Variants in PRIM2 observed in about 807,000 individuals in gnomAD.
PRIM2 encodes DNA primase subunit 2.
A neutral mutation model predicts 67.3 loss-of-function variants in PRIM2; 39 were observed. That is an observed-to-expected ratio of 0.58 (90% CI 0.45 to 0.76). The LOEUF is 0.76. Among genes scored for constraint, PRIM2 ranks in the 30% least tolerant of loss-of-function variants. The pLI, the probability that PRIM2 is intolerant of heterozygous loss-of-function variation, is 0.00. For missense variants in PRIM2, 398 were observed against 598.7 expected (o/e 0.66, Z 3.50); for synonymous variants, 143 against 198.7 (o/e 0.72, Z 2.36).
At chr6:57,248,530 A>T in the PRIM2 span, among the ~76,000 whole-genome samples, 4 of 152,226 alleles carry the variant, frequency 2.6e-5, no homozygotes, top group Non-Finnish European at 4.4e-5. Context: ...GGATTGAGCA[A>T]CTGGCTTAAG....
intron 12 of PRIM2, among the ~76,000 whole-genome samples, chr6:57,615,474 ATC>A (rs1217525802): frequency 8.5e-5 from 13 of 152,074 alleles, no homozygotes; most frequent in Non-Finnish European, 1.8e-4. Context: ...TGACAGTAAA[ATC>A]TCTCATTGGC....
At chr6:57,332,918 A>G (rs758740853) in intron 5 of PRIM2, among the ~76,000 whole-genome samples, 10 of 151,744 alleles carry the variant, frequency 6.6e-5, no homozygotes, top group Non-Finnish European at 1.2e-4. Flanking sequence ...TGTGTTTCCT[A>G]TGTCTTAAGG....
At chr6:57,226,947 T>G in the PRIM2 span, among the ~76,000 whole-genome samples, 1 of 152,236 alleles carries the variant, frequency 6.6e-6, no homozygotes, top group Non-Finnish European at 1.5e-5. Context: ...GGGAATAATC[T>G]GTTCATTCTA....
intron 5 of PRIM2, among the ~76,000 whole-genome samples, chr6:57,373,351 T>C (rs1205309221): frequency 6.6e-6 from 1 of 152,144 alleles, no homozygotes; most frequent in African/African-American, 2.4e-5. Context: ...TACTGGATAT[T>C]AGACCTTTGT....
chr6:57,221,835 C>G, the PRIM2 span: 2 of 152,506 alleles, frequency 1.3e-5, no homozygotes, highest in Non-Finnish European at 2.9e-5. Flanking sequence ...CGGTCCGAAC[C>G]GGGGGATGGG....
the PRIM2 span, among the ~76,000 whole-genome samples, chr6:57,235,308 C>A: frequency 2.6e-5 from 4 of 151,948 alleles, no homozygotes; most frequent in Non-Finnish European, 5.9e-5. Context: ...ACTAAAAATG[C>A]AAAAAATTAG....
chr6:57,460,616 TA>T (rs10667805), intron 7 of PRIM2, among the ~76,000 whole-genome samples: 6,531 of 129,436 alleles, frequency 0.05, 329 homozygotes, highest in African/African-American at 0.15. Context: ...CATCCTGATT[TA>T]AAAAAAAAAA....
At chr6:57,620,351 T>C (rs1450666728) in intron 12 of PRIM2, among the ~76,000 whole-genome samples, 2 of 152,088 alleles carry the variant, frequency 1.3e-5, no homozygotes, top group African/African-American at 4.8e-5. Flanking sequence ...CCTAACAGAT[T>C]AACAACAGAT....
chr6:57,269,591 T>A, the PRIM2 span, among the ~76,000 whole-genome samples: 2 of 152,144 alleles, frequency 1.3e-5, no homozygotes, highest in Non-Finnish European at 2.9e-5. Flanking sequence ...GCCTGTTCAC[T>A]CTGATGGTAG....
At chr6:57,601,538 G>A (rs1177686704) in intron 11 of PRIM2, among the ~76,000 whole-genome samples, 1 of 152,200 alleles carries the variant, frequency 6.6e-6, no homozygotes, top group Non-Finnish European at 1.5e-5. Context: ...AGAGGGCGAT[G>A]TAAGTTTTAC....
intron 3 of PRIM2, among the ~76,000 whole-genome samples, chr6:57,321,974 T>C (rs1767674486): frequency 6.6e-6 from 1 of 152,284 alleles, no homozygotes; most frequent in East Asian, 1.9e-4. Flanking sequence ...TAAGATGAAT[T>C]GTACAGTGTC....
the PRIM2 span, among the ~76,000 whole-genome samples, chr6:57,226,636 CACTGG>C: frequency 6.6e-6 from 1 of 152,118 alleles, no homozygotes; most frequent in African/African-American, 2.4e-5. Context: ...CTAGGAGATC[CACTGG>C]ACAGTTTTAA....
chr6:57,387,731 G>C (rs1051052992), intron 7 of PRIM2, among the ~76,000 whole-genome samples: 1 of 151,336 alleles, frequency 6.6e-6, no homozygotes, highest in African/African-American at 2.4e-5. Context: ...GCTTCATATG[G>C]CAATTTTAGA....
intron 12 of PRIM2, among the ~76,000 whole-genome samples, chr6:57,626,494 C>G (rs1264048828): frequency 1.3e-5 from 2 of 151,558 alleles, no homozygotes; most frequent in Non-Finnish European, 2.9e-5. Context: ...TGGTGAGGTG[C>G]TTTACTAGAA....
chr6:57,262,190 G>C, the PRIM2 span, among the ~76,000 whole-genome samples: 1 of 152,086 alleles, frequency 6.6e-6, no homozygotes, highest in Non-Finnish European at 1.5e-5. Flanking sequence ...TTACTGGCTG[G>C]GAAAGTTATT....
chr6:57,528,538 C>T (rs1774812777), intron 8 of PRIM2, among the ~76,000 whole-genome samples: 1 of 152,094 alleles, frequency 6.6e-6, no homozygotes, highest in South Asian at 2.1e-4. Flanking sequence ...GGGCTGAGAA[C>T]AACTTCCTTG....
chr6:57,441,305 C>T (rs1318934087), intron 7 of PRIM2, among the ~76,000 whole-genome samples: 7 of 152,264 alleles, frequency 4.6e-5, no homozygotes, highest in African/African-American at 1.4e-4. Flanking sequence ...CTTTTTTCCC[C>T]GCTAGCTTTT....
chr6:57,518,335 A>G (rs1774530809), intron 8 of PRIM2, among the ~76,000 whole-genome samples: 1 of 152,060 alleles, frequency 6.6e-6, no homozygotes, highest in African/African-American at 2.4e-5. Context: ...ATGTAAAGTC[A>G]CCCTCACAAG....
intron 5 of PRIM2, among the ~76,000 whole-genome samples, chr6:57,358,199 T>C (rs1432037666): frequency 6.6e-6 from 1 of 152,226 alleles, no homozygotes; most frequent in Non-Finnish European, 1.5e-5. Context: ...CTTCATAAAA[T>C]GGGTAGATCA....
Sources: allele counts gnomAD v4.1 joint callset (sites outside exome capture counted in the v4.1 genomes callset), GRCh38; gene constraint gnomAD v4.1.1; transcripts MANE v1.5; gene names NCBI Gene and HGNC (gene_info 2026-07-23, HGNC 2026-07-21).